GRM7: variants seen among roughly 807,000 people sequenced by gnomAD.
The protein encoded by GRM7 is glutamate metabotropic receptor 7, also known as metabotropic glutamate receptor 7.
GRM7 carries 35 observed loss-of-function variants against 84.5 expected under a neutral mutation model. That is an observed-to-expected ratio of 0.41 (90% CI 0.32 to 0.55). The LOEUF is 0.55. GRM7 is among the 20% of genes least tolerant of loss of function. The pLI is 0.19. For missense variants in GRM7, 1,003 were observed against 1,194.6 expected (o/e 0.84, Z 2.36); for synonymous variants, 487 against 455.1 (o/e 1.07, Z -0.89).
chr3:7,238,997 C>CTTTTTTTTTTTTTTTTTT (rs1559520012), intron 2 of GRM7, among the ~76,000 whole-genome samples: 1 of 137,614 alleles, frequency 7.3e-6, no homozygotes, highest in African/African-American at 2.7e-5. Flanking sequence ...TTCTTTTTTC[C>CTTTTTTTTTTTTTTTTTT]TTTTTCTTTT....
chr3:7,333,708 A>T (rs568837905), intron 4 of GRM7, among the ~76,000 whole-genome samples: 6,765 of 30,552 alleles, frequency 0.22, 345 homozygotes, highest in African/African-American at 0.51. Context: ...TAAAGAAATT[A>T]AAAAAAAATA....
intron 1 of GRM7, among the ~76,000 whole-genome samples, chr3:7,022,712 G>C (rs1575141115): frequency 6.6e-6 from 1 of 152,022 alleles, no homozygotes; most frequent in East Asian, 1.9e-4. Context: ...GAAAGCAAAA[G>C]TGTCTTGAGC....
chr3:6,898,019 C>G (rs1364189221), intron 1 of GRM7, among the ~76,000 whole-genome samples: 2 of 152,148 alleles, frequency 1.3e-5, no homozygotes, highest in African/African-American at 2.4e-5. Context: ...TCTTCTTTCA[C>G]CTTTTCTCTC....
chr3:7,338,520 A>T (rs150386739), intron 4 of GRM7, among the ~76,000 whole-genome samples: 46 of 152,228 alleles, frequency 3.0e-4, no homozygotes, highest in Middle Eastern at 6.8e-3. Flanking sequence ...AATTAAAAAT[A>T]TACTAACCTT....
chr3:7,495,677 G>C (rs542122736), intron 7 of GRM7, among the ~76,000 whole-genome samples: 7 of 152,194 alleles, frequency 4.6e-5, no homozygotes, highest in Non-Finnish European at 1.0e-4. Flanking sequence ...TTCCTTGAAA[G>C]ATGTTAGTCT....
chr3:7,684,268 A>T (rs574163176), intron 9 of GRM7, among the ~76,000 whole-genome samples: 25 of 152,350 alleles, frequency 1.6e-4, no homozygotes, highest in African/African-American at 5.5e-4. Flanking sequence ...ACTGGTTAAA[A>T]ACAAACAAAA....
chr3:7,439,001 A>G (rs1697175763), intron 5 of GRM7, among the ~76,000 whole-genome samples: 1 of 152,206 alleles, frequency 6.6e-6, no homozygotes, highest in Non-Finnish European at 1.5e-5. Flanking sequence ...GGAAGTCTAT[A>G]TCGCAGATAC....
At chr3:7,063,317 T>C (rs551782654) in intron 1 of GRM7, among the ~76,000 whole-genome samples, 2 of 151,804 alleles carry the variant, frequency 1.3e-5, no homozygotes, top group African/African-American at 4.8e-5. Flanking sequence ...TCATTCATTT[T>C]CACTCTGTGT....
chr3:7,210,318 C>T (rs1696378564), intron 2 of GRM7, among the ~76,000 whole-genome samples: 2 of 152,320 alleles, frequency 1.3e-5, no homozygotes, highest in East Asian at 3.9e-4. Context: ...TAGAAACATA[C>T]CCTAAGAAGC....
intron 4 of GRM7, among the ~76,000 whole-genome samples, chr3:7,391,483 C>G (rs1292065350): frequency 6.6e-6 from 1 of 152,038 alleles, no homozygotes; most frequent in Non-Finnish European, 1.5e-5. Flanking sequence ...ACTGCATGTT[C>G]TCACTCATAG....
intron 1 of GRM7, among the ~76,000 whole-genome samples, chr3:6,906,497 T>A (rs1379555141): frequency 6.6e-6 from 1 of 152,214 alleles, no homozygotes; most frequent in Non-Finnish European, 1.5e-5. Flanking sequence ...AATTTTATTC[T>A]TATTCAGTTT....
At chr3:6,907,924 G>C (rs1421932661) in intron 1 of GRM7, among the ~76,000 whole-genome samples, 1 of 151,990 alleles carries the variant, frequency 6.6e-6, no homozygotes, top group Non-Finnish European at 1.5e-5. Flanking sequence ...TAGCCATGTG[G>C]GGTTATTCTT....
chr3:7,467,887 A>T (rs1475158971), intron 7 of GRM7, among the ~76,000 whole-genome samples: 1 of 152,200 alleles, frequency 6.6e-6, no homozygotes, highest in African/African-American at 2.4e-5. Flanking sequence ...TCCATTATTA[A>T]GCAGAAATTT....
intron 1 of GRM7, among the ~76,000 whole-genome samples, chr3:7,026,210 G>C (rs1348559288): frequency 6.6e-6 from 1 of 152,198 alleles, no homozygotes; most frequent in Non-Finnish European, 1.5e-5. Context: ...AAACTGGGTT[G>C]CACCTTAGGC....
chr3:7,693,663 C>A, intron 9 of GRM7: 1 of 1,530,690 alleles, frequency 6.5e-7, no homozygotes, highest in Non-Finnish European at 8.8e-7. Flanking sequence ...TGACCATCTG[C>A]ACTGGCATCT....
chr3:6,990,956 C>T (rs772399566), intron 1 of GRM7, among the ~76,000 whole-genome samples: 12 of 152,052 alleles, frequency 7.9e-5, no homozygotes, highest in African/African-American at 2.7e-4. Context: ...ATAGTCCCAG[C>T]GCTTTGAGAG....
At chr3:7,614,000 G>A (rs896683422) in intron 8 of GRM7, among the ~76,000 whole-genome samples, 4 of 152,052 alleles carry the variant, frequency 2.6e-5, no homozygotes, top group African/African-American at 4.8e-5. Context: ...GCAGTGGCTC[G>A]CACTTGTAAT....
At chr3:6,929,272 T>C (rs35749461) in intron 1 of GRM7, among the ~76,000 whole-genome samples, 1 of 152,188 alleles carries the variant, frequency 6.6e-6, no homozygotes, top group Non-Finnish European at 1.5e-5. Flanking sequence ...CTGCTCCTTG[T>C]CCCCATGACT....
intron 2 of GRM7, among the ~76,000 whole-genome samples, chr3:7,248,589 C>A (rs1697861834): frequency 6.6e-6 from 1 of 151,918 alleles, no homozygotes; most frequent in African/African-American, 2.4e-5. Context: ...TTATGACATG[C>A]AAATTTTTAT....
Sources: gnomAD v4.1 joint callset for allele counts (sites outside exome capture counted in the v4.1 genomes callset) on GRCh38, gnomAD v4.1.1 for gene constraint, MANE v1.5 for transcripts, NCBI Gene and HGNC (gene_info 2026-07-23, HGNC 2026-07-21) for gene names.